The following ESRP1 variants were observed in gnomAD, a reference collection of about 807,000 sequenced individuals.
The protein encoded by ESRP1 is RNA-binding motif protein 35A.
In ESRP1, 33 loss-of-function variants were observed where a neutral mutation model predicts 81.7. That is an observed-to-expected ratio of 0.40 (90% CI 0.31 to 0.54). ESRP1 has a LOEUF of 0.54. Among genes scored for constraint, ESRP1 ranks in the 20% least tolerant of loss-of-function variants. ESRP1 has a pLI of 0.41. For synonymous variants in ESRP1, 320 were observed against 303.3 expected (o/e 1.06, Z -0.57); for missense variants, 672 against 833.1 (o/e 0.81, Z 2.38).
At chr8:94,644,997 T>TA (rs1244864741) in intron 3 of ESRP1, among the ~76,000 whole-genome samples, 1 of 152,202 alleles carries the variant, frequency 6.6e-6, no homozygotes, top group Non-Finnish European at 1.5e-5. Flanking sequence ...TCAACATTGT[T>TA]ATAACCACTA....
At chr8:94,705,438 G>T (rs1810032496) in intron 15 of ESRP1, among the ~76,000 whole-genome samples, 1 of 152,102 alleles carries the variant, frequency 6.6e-6, no homozygotes, top group African/African-American at 2.4e-5. Context: ...AAAGTGCTGG[G>T]ATTACAGGCA....
chr8:94,676,059 C>T (rs79074073), intron 12 of ESRP1, among the ~76,000 whole-genome samples: 5,046 of 152,236 alleles, frequency 0.033, 268 homozygotes, highest in African/African-American at 0.11. Flanking sequence ...AGTGCATATA[C>T]ACTACTTTAG....
intron 13 of ESRP1, among the ~76,000 whole-genome samples, chr8:94,690,433 T>C (rs1454797212): frequency 6.6e-6 from 1 of 151,952 alleles, no homozygotes; most frequent in Non-Finnish European, 1.5e-5. Context: ...GCACCCGGCC[T>C]AGAATTTAGG....
intron 4 of ESRP1, among the ~76,000 whole-genome samples, chr8:94,655,650 G>C (rs1818368656): frequency 6.6e-6 from 1 of 151,988 alleles, no homozygotes; most frequent in Admixed American, 6.6e-5. Flanking sequence ...CCAGCATTTT[G>C]GGAGGCTCAG....
At chr8:94,671,737 T>TC in intron 11 of ESRP1, 66 bp downstream of exon 11, 20 of 1,001,454 alleles carry the variant, frequency 2.0e-5, no homozygotes, top group East Asian at 2.7e-5. Flanking sequence ...ATATCTAATA[T>TC]TAGATATTAG....
intron 13 of ESRP1, among the ~76,000 whole-genome samples, chr8:94,689,141 C>T (rs1809266178): frequency 6.7e-6 from 1 of 149,368 alleles, no homozygotes; most frequent in Non-Finnish European, 1.5e-5. Context: ...ATCCCAGGTA[C>T]TTGGGAGGCT....
chr8:94,697,860 C>A (rs116898491), intron 15 of ESRP1, among the ~76,000 whole-genome samples: 1,942 of 152,288 alleles, frequency 0.013, 28 homozygotes, highest in East Asian at 0.021. Context: ...CAGCTCACTG[C>A]AACCTCTGCT....
chr8:94,689,077 C>A (rs1001933402), intron 13 of ESRP1, among the ~76,000 whole-genome samples: 2 of 152,008 alleles, frequency 1.3e-5, no homozygotes, highest in Admixed American at 6.6e-5. Context: ...ATGGTGAAAT[C>A]CTGTCTCTAC....
intron 13 of ESRP1, among the ~76,000 whole-genome samples, chr8:94,682,027 T>A (rs1489028120): frequency 6.6e-6 from 1 of 152,222 alleles, no homozygotes; most frequent in East Asian, 1.9e-4. Flanking sequence ...TTTTCTCTTT[T>A]TGGGCTTTTC....
intron 13 of ESRP1, among the ~76,000 whole-genome samples, chr8:94,682,965 A>T (rs1808981975): frequency 8.2e-5 from 2 of 24,438 alleles, no homozygotes; most frequent in African/African-American, 2.0e-4. Context: ...TTTTTTTGAG[A>T]CGGAGTTTCA....
intron 13 of ESRP1, among the ~76,000 whole-genome samples, chr8:94,684,566 T>A (rs527460954): frequency 6.6e-6 from 1 of 152,264 alleles, no homozygotes; most frequent in African/African-American, 2.4e-5. Flanking sequence ...ACACTAGGGA[T>A]GTTAATGTTG....
At chr8:94,689,811 C>CTTTTTTTTTTTGTTTTTTTTTTT (rs1809305141) in intron 13 of ESRP1, among the ~76,000 whole-genome samples, 1 of 64,680 alleles carries the variant, frequency 1.5e-5, no homozygotes, top group Non-Finnish European at 3.0e-5. Flanking sequence ...TGATGCCTGG[C>CTTTTTTTTTTTGTTTTTTTTTTT]TTTTTTTTTT....
intron 14 of ESRP1, among the ~76,000 whole-genome samples, chr8:94,694,651 A>G (rs57531232): frequency 0.02 from 3,098 of 152,306 alleles, 96 homozygotes; most frequent in African/African-American, 0.069. Flanking sequence ...TTTTACCACA[A>G]CCATGCAATC....
intron 6 of ESRP1, among the ~76,000 whole-genome samples, chr8:94,663,544 C>A (rs1586200474): frequency 6.6e-6 from 1 of 152,154 alleles, no homozygotes; most frequent in African/African-American, 2.4e-5. Context: ...TTGTGCCTGG[C>A]TATATAGGTT....
Position 94,701,886 on chromosome 8 carries a change from C to T in ESRP1, c.*36-4039C>T, listed in dbSNP as rs191614595. Among the ~76,000 whole-genome samples, 738 of 152,264 alleles carry T rather than the reference C, an allele frequency of 4.8e-3. 7 individuals are homozygous for T. The highest frequency in any genetic ancestry group is 0.021 in the South Asian group (100 of 4,822). On this transcript the variant is annotated intron_variant, in intron 15 of 15. Transcript: ENST00000433389. ...TTGAGCCTGGAAGTTCAAGAATAGCCTGGGCAATGTGGTGAGACCTCGTCT... is the reference window on the plus strand; with the variant it reads ...TTGAGCCTGGAAGTTCAAGAATAGCTTGGGCAATGTGGTGAGACCTCGTCT...
chr8:94,695,348 CTTTT>C (rs1177357708), intron 14 of ESRP1, among the ~76,000 whole-genome samples: 36 of 61,172 alleles, frequency 5.9e-4, no homozygotes, highest in East Asian at 2.7e-3. Context: ...CTTTTTCTTT[CTTTT>C]TTTTTTTTTT....
At chr8:94,682,500 G>A (rs540961418) in intron 13 of ESRP1, among the ~76,000 whole-genome samples, 1 of 152,184 alleles carries the variant, frequency 6.6e-6, no homozygotes, top group South Asian at 2.1e-4. Context: ...CCAAGTAGCT[G>A]AGACTATAGG....
At chr8:94,644,594 C>A (rs2130530459) in intron 3 of ESRP1, among the ~76,000 whole-genome samples, 1 of 152,228 alleles carries the variant, frequency 6.6e-6, no homozygotes, top group South Asian at 2.1e-4. Context: ...TACTTTTTTA[C>A]TCCCAAACTC....
chr8:94,649,059 A>G (rs1187252681), intron 4 of ESRP1, among the ~76,000 whole-genome samples: 2 of 152,208 alleles, frequency 1.3e-5, no homozygotes, highest in Non-Finnish European at 2.9e-5. Context: ...CGTCTCTGCT[A>G]AAAATAGAAA....
Sources: allele counts gnomAD v4.1 joint callset (sites outside exome capture counted in the v4.1 genomes callset), GRCh38; gene constraint gnomAD v4.1.1; transcripts MANE v1.5; gene names NCBI Gene and HGNC (gene_info 2026-07-23, HGNC 2026-07-21).